The following ADD3 variants were observed in gnomAD, a reference collection of about 807,000 sequenced individuals.
ADD3 encodes the protein adducin 3, also known as gamma-adducin.
Under a neutral mutation model 80.2 loss-of-function variants are expected in ADD3, and 25 were observed. That is an observed-to-expected ratio of 0.31 (90% CI 0.23 to 0.44). ADD3 has a LOEUF of 0.44. ADD3 is among the 20% of genes least tolerant of loss of function. The pLI, the probability that ADD3 is intolerant of heterozygous loss-of-function variation, is 1.00. For synonymous variants in ADD3, 284 were observed against 289.6 expected, an observed-to-expected ratio of 0.98 and a Z score of 0.20; for missense variants, 829 against 847.5, an observed-to-expected ratio of 0.98 and a Z score of 0.27.
chr10:110,031,369 G>A (rs1855005460), intron 1 of ADD3, among the ~76,000 whole-genome samples: 1 of 152,180 alleles, frequency 6.6e-6, no homozygotes. Context: ...GTAAAATCAT[G>A]AATCCTCACA....
intron 1 of ADD3, among the ~76,000 whole-genome samples, chr10:110,072,250 A>G (rs1461145037): frequency 6.6e-6 from 1 of 152,082 alleles, no homozygotes; most frequent in African/African-American, 2.4e-5. Context: ...TTTTTTTAGT[A>G]GAGATGGGGT....
chr10:110,024,182 CAG>C (rs1307135946), intron 1 of ADD3, among the ~76,000 whole-genome samples: 1 of 152,164 alleles, frequency 6.6e-6, no homozygotes, highest in African/African-American at 2.4e-5. Context: ...AAATTATAAA[CAG>C]AACTTTTGTG....
intron 2 of ADD3, among the ~76,000 whole-genome samples, chr10:110,101,629 C>A (rs1848819073): frequency 6.8e-6 from 1 of 146,236 alleles, no homozygotes; most frequent in East Asian, 2.0e-4. Flanking sequence ...AGAGTGAGAC[C>A]TTACCTAAAA....
intron 1 of ADD3, among the ~76,000 whole-genome samples, chr10:110,071,131 G>A (rs1844653542): frequency 6.6e-6 from 1 of 151,936 alleles, no homozygotes; most frequent in Admixed American, 6.6e-5. Flanking sequence ...TGGGGGAATG[G>A]CTTTTACTGG....
chr10:110,123,301 C>T (rs1363544851), intron 9 of ADD3, among the ~76,000 whole-genome samples: 1 of 152,164 alleles, frequency 6.6e-6, no homozygotes, highest in Non-Finnish European at 1.5e-5. Flanking sequence ...ATACTGTTTT[C>T]CACAATGGCT....
intron 2 of ADD3, among the ~76,000 whole-genome samples, chr10:110,108,979 A>G (rs1849687798): frequency 6.6e-6 from 1 of 152,226 alleles, no homozygotes; most frequent in Non-Finnish European, 1.5e-5. Context: ...GAGCTTATAC[A>G]TCGCTCTATG....
chr10:110,041,030 A>G lies in ADD3; in HGVS notation c.-30+32731A>G, dbSNP rs370300521. On this transcript the variant is annotated intron_variant, in intron 1 of 14. Transcript: ENST00000356080. ...TCCCTCTCTGTCTCACTCATGCTGT[A>G]TCTCTTGCTCATGCTGTGTCTCTCA... is the stretch of plus-strand genomic sequence containing the variant. Among the ~76,000 whole-genome samples, 11 of 151,266 alleles carry G rather than the reference A, an allele frequency of 7.3e-5. No individual in the cohort carries two copies. In the East Asian group the frequency reaches 1.5e-3, roughly 21 times the overall value.
chr10:110,054,004 A>T (rs551816891), intron 1 of ADD3, among the ~76,000 whole-genome samples: 2 of 152,230 alleles, frequency 1.3e-5, no homozygotes, highest in Non-Finnish European at 2.9e-5. Flanking sequence ...ATGCACAGCA[A>T]CCGTTGAAGA....
chr10:110,064,076 A>G (rs1280009287), intron 1 of ADD3, among the ~76,000 whole-genome samples: 1 of 151,932 alleles, frequency 6.6e-6, no homozygotes, highest in East Asian at 1.9e-4. Flanking sequence ...GTTAAATGTA[A>G]CAGTAATTCA....
intron 2 of ADD3, among the ~76,000 whole-genome samples, chr10:110,104,517 A>T (rs1210247775): frequency 1.3e-5 from 2 of 152,178 alleles, no homozygotes; most frequent in African/African-American, 4.8e-5. Flanking sequence ...TCTTTAAAAA[A>T]TTTTGTCAGT....
chr10:110,098,431 A>C (rs899732627), intron 1 of ADD3, among the ~76,000 whole-genome samples: 1 of 152,180 alleles, frequency 6.6e-6, no homozygotes, highest in African/African-American at 2.4e-5. Context: ...GCCCTTTGTA[A>C]TATCCTCAGA....
At chr10:110,067,560 A>G (rs1282450458) in intron 1 of ADD3, among the ~76,000 whole-genome samples, 1 of 152,208 alleles carries the variant, frequency 6.6e-6, no homozygotes, top group Non-Finnish European at 1.5e-5. Context: ...CTTATCTTGG[A>G]TTAAGTTTTA....
intron 1 of ADD3, among the ~76,000 whole-genome samples, chr10:110,040,749 A>G (rs1392243597): frequency 6.6e-6 from 1 of 152,164 alleles, no homozygotes; most frequent in Non-Finnish European, 1.5e-5. Context: ...CAGGAGAGAG[A>G]GAGTGCCTGA....
rs558241638 is a variant in ADD3 at position 110,068,564 on chromosome 10, T to G, written c.-29-32061T>G. 3.3e-5 allele frequency among the ~76,000 whole-genome samples: 5 copies of G among 152,300 alleles called. No homozygotes were observed. In the East Asian group the frequency reaches 9.6e-4, roughly 29 times the overall value. ...GGATTTTGGTGGCCATGGGAGGTCCTAGAACTAATCCCTGATGGATACCTA... is the reference window on the plus strand; with the variant it reads ...GGATTTTGGTGGCCATGGGAGGTCCGAGAACTAATCCCTGATGGATACCTA... On this transcript the variant is annotated intron_variant, in intron 1 of 14. Coordinates refer to ENST00000356080, the MANE Select transcript of ADD3 (RefSeq NM_016824.5).
At chr10:110,003,738 C>T (rs899775668), upstream of ADD3, among the ~76,000 whole-genome samples, 1 of 152,092 alleles carries the variant, frequency 6.6e-6, no homozygotes, top group South Asian at 2.1e-4. Context: ...GCTTGATCTA[C>T]CCAGAGTTCC....
At chr10:110,119,158 A>G (rs1188403827) in intron 6 of ADD3, 53 bp from the exon 7 acceptor site, 2 of 1,594,058 alleles carry the variant, frequency 1.3e-6, no homozygotes, top group Non-Finnish European at 1.7e-6. Flanking sequence ...GGTTCCTATG[A>G]AAATGTATTT....
At chr10:110,048,352 G>A (rs1230681283) in intron 1 of ADD3, among the ~76,000 whole-genome samples, 1 of 152,192 alleles carries the variant, frequency 6.6e-6, no homozygotes, top group African/African-American at 2.4e-5. Flanking sequence ...ACCAGGAGTG[G>A]GGTGCTGCTG....
intron 1 of ADD3, among the ~76,000 whole-genome samples, chr10:110,050,834 G>GT (rs1156596364): frequency 2.6e-5 from 4 of 152,016 alleles, no homozygotes; most frequent in South Asian, 2.1e-4. Context: ...TGTCAGGTAT[G>GT]TTTTTTTAGC....
intron 1 of ADD3, among the ~76,000 whole-genome samples, chr10:110,013,355 G>A (rs948119751): frequency 1.3e-5 from 2 of 152,128 alleles, no homozygotes; most frequent in African/African-American, 2.4e-5. Flanking sequence ...CTCCCCGCTC[G>A]GCTACCCAAA....
Sources: allele counts gnomAD v4.1 joint callset (sites outside exome capture counted in the v4.1 genomes callset), GRCh38; gene constraint gnomAD v4.1.1; transcripts MANE v1.5; gene names NCBI Gene and HGNC (gene_info 2026-07-23, HGNC 2026-07-21).